LAMB4: variants seen among roughly 807,000 people sequenced by gnomAD.
The protein encoded by LAMB4 is laminin subunit beta 4, also known as laminin subunit beta-4.
Under a neutral mutation model 199.2 loss-of-function variants are expected in LAMB4, and 196 were observed. The observed-to-expected ratio is 0.98, with a 90% confidence interval of 0.88 to 1.11. LAMB4 has a LOEUF of 1.11. Ranked by LOEUF, LAMB4 falls within the 50% of genes least tolerant of loss-of-function variation. The pLI, the probability that LAMB4 is intolerant of heterozygous loss-of-function variation, is 0.00. For missense variants in LAMB4, 2,080 were observed against 2,171.2 expected (o/e 0.96, Z 0.83); for synonymous variants, 744 against 770.6 (o/e 0.97, Z 0.57).
intron 23 of LAMB4, among the ~76,000 whole-genome samples, chr7:108,058,524 A>G (rs563295269): frequency 6.6e-6 from 1 of 152,376 alleles, no homozygotes; most frequent in South Asian, 2.1e-4. Flanking sequence ...TGGAAAATTA[A>G]CAGGAGAAAA....
chr7:108,126,166 A>G (rs1446584561), intron 1 of LAMB4, among the ~76,000 whole-genome samples: 2 of 152,368 alleles, frequency 1.3e-5, no homozygotes, highest in South Asian at 2.1e-4. Context: ...ACTGAGAATC[A>G]CTTGAGAAGA....
Position 108,076,958 on chromosome 7 carries a change from C to T in LAMB4, c.2110G>A (p.Val704Ile). Residue 704 changes from valine (V) to isoleucine (I), a missense_variant, in exon 17 of 34, where the codon GTC becomes ATC. Val to Ile is a conservative substitution (Grantham distance 29, BLOSUM62 3). Coordinates refer to ENST00000388781, the MANE Select transcript of LAMB4 (RefSeq NM_007356.3). The stretch of plus-strand genomic sequence containing the variant: ...GTGATACTTACAGAGTCCACCAGGA[C>T]ATGTGAATGAGCGTGGGACTCTCCT... ...LQGESHAHSH[V>I]LVDSLGLIPQ... is the part of the protein sequence containing the mutation. The T allele has an allele frequency of 2.5e-6, 4 of 1,614,010 alleles. No homozygotes were observed. In the South Asian group the frequency reaches 4.4e-5, roughly 18 times the overall value.
At chr7:108,044,955 C>CAAAAAAA (rs756256335) in intron 28 of LAMB4, among the ~76,000 whole-genome samples, 6 of 56,506 alleles carry the variant, frequency 1.1e-4, no homozygotes, top group African/African-American at 3.1e-4. Flanking sequence ...ATTCTTGTCT[C>CAAAAAAA]AAAAAAAAAA....
chr7:108,066,911 T>C (rs1368407312), intron 19 of LAMB4, among the ~76,000 whole-genome samples: 1 of 151,400 alleles, frequency 6.6e-6, no homozygotes, highest in African/African-American at 2.4e-5. Context: ...AGTATTAATA[T>C]TTTAGTATTA....
Position 108,043,829 on chromosome 7 carries a change from C to G in LAMB4, c.4394G>C (p.Gly1465Ala). The G allele has an allele frequency of 6.2e-7, 1 of 1,607,978 alleles. No homozygotes were observed. Among genetic ancestry groups the G allele is most frequent in the East Asian group, 2.2e-5 (1 of 44,488 alleles). The stretch of plus-strand genomic sequence containing the variant: ...AGAGTCACTTTGGTTTCTTATATTT[C>G]CCAGTTTTTCCCTCAGCTGTAAGGC... ...NNALQLREKL[G>A]NIRNQSDSEE... is the part of the protein sequence containing the mutation. The change falls in exon 29 of 34, where the codon GGA becomes GCA. Residue 1465 changes from glycine (G) to alanine (A), a missense_variant. Gly to Ala is a moderately conservative substitution (Grantham distance 60). Coordinates refer to ENST00000388781, the MANE Select transcript of LAMB4 (RefSeq NM_007356.3).
intron 16 of LAMB4, 50 bp from the exon 17 acceptor site, chr7:108,077,114 T>C (rs779080232): frequency 1.3e-6 from 2 of 1,590,864 alleles, no homozygotes; most frequent in East Asian, 4.5e-5. Context: ...AATACAATTA[T>C]ATTAGCTAAA....
In LAMB4 at chr7:108,077,055, C is replaced by T; in HGVS notation, c.2013G>A (p.Leu671=). The change falls in exon 17 of 34, where the codon CTG becomes CTA. Residue 671 remains leucine (L), a synonymous_variant. Coordinates refer to ENST00000388781, the MANE Select transcript of LAMB4 (RefSeq NM_007356.3). ...FALPAATRIM[L]LPTPICLEPD... ...GTTCTAAACAGATGGGTGTGGGAAG[C>T]AGCATGATTCTGTATTAAGAAAGAT... The T allele has an allele frequency of 6.2e-7, 1 of 1,613,482 alleles. No homozygotes were observed. Among genetic ancestry groups the T allele is most frequent in the Non-Finnish European group, 8.5e-7 (1 of 1,179,710 alleles).
intron 30 of LAMB4, among the ~76,000 whole-genome samples, 193 bp from the exon 31 acceptor site, chr7:108,034,539 C>T (rs926987391): frequency 6.6e-6 from 1 of 152,006 alleles, no homozygotes; most frequent in African/African-American, 2.4e-5. Context: ...ATAAAAAAAA[C>T]CCCACACACG....
At chr7:108,031,374 A>G (rs917895985) in intron 31 of LAMB4, among the ~76,000 whole-genome samples, 11 of 150,218 alleles carry the variant, frequency 7.3e-5, no homozygotes, top group Admixed American at 5.3e-4. Flanking sequence ...GAAAAGAAAA[A>G]AAAAAAAAAG....
At chr7:108,024,983 T>C (rs1301188456) in intron 33 of LAMB4, among the ~76,000 whole-genome samples, 1 of 152,230 alleles carries the variant, frequency 6.6e-6, no homozygotes, top group East Asian at 1.9e-4. Flanking sequence ...GGTAAATGTC[T>C]CACTTCATTT....
At chr7:108,118,358 A>C (rs1377076949) in intron 2 of LAMB4, among the ~76,000 whole-genome samples, 1 of 152,190 alleles carries the variant, frequency 6.6e-6, no homozygotes, top group Non-Finnish European at 1.5e-5. Context: ...GCGAAGGAAT[A>C]GCTCTATTCA....
At chr7:108,085,936 C>A (rs964979221) in intron 14 of LAMB4, among the ~76,000 whole-genome samples, 1 of 152,116 alleles carries the variant, frequency 6.6e-6, no homozygotes, top group African/African-American at 2.4e-5. Context: ...TTGCACTGGG[C>A]CCTGCAGGTG....
At chr7:108,107,090 G>A (rs987615170) in intron 6 of LAMB4, among the ~76,000 whole-genome samples, 9 of 152,180 alleles carry the variant, frequency 5.9e-5, no homozygotes, top group African/African-American at 2.2e-4. Context: ...GGTTGGGATG[G>A]AGTGACAGAC....
intron 8 of LAMB4, among the ~76,000 whole-genome samples, chr7:108,105,221 T>C (rs1334737928): frequency 1.3e-5 from 2 of 152,216 alleles, no homozygotes; most frequent in Non-Finnish European, 2.9e-5. Context: ...ACAACTCTTC[T>C]ACAATGTCTT....
At chr7:108,106,382 C>G in intron 7 of LAMB4, 127 bp downstream of exon 7, 1 of 646,656 alleles carries the variant, frequency 1.5e-6, no homozygotes, top group East Asian at 2.8e-5. Flanking sequence ...CACACCACTG[C>G]ACTCCAGCCT....
chr7:108,127,176 T>G (rs769232138), intron 1 of LAMB4, among the ~76,000 whole-genome samples: 16 of 60,238 alleles, frequency 2.7e-4, no homozygotes, highest in East Asian at 1.1e-3. Flanking sequence ...ATCACCAGGG[T>G]TTTTTTTTTT....
chr7:108,103,035 G>C lies in LAMB4; in HGVS notation c.1180+9C>G. On this transcript the variant is annotated intron_variant, in intron 10 of 33. Coordinates refer to ENST00000388781, the MANE Select transcript of LAMB4 (RefSeq NM_007356.3). ...AGTGGGTAGGATCCAGGCAGACCCGGGGACTCACGAATGCACGCGTAGGGA... is the reference window on the plus strand; with the variant it reads ...AGTGGGTAGGATCCAGGCAGACCCGCGGACTCACGAATGCACGCGTAGGGA... 1 of 1,565,512 alleles carries C rather than the reference G, an allele frequency of 6.4e-7. No individual in the cohort carries two copies. The highest frequency in any genetic ancestry group is 8.7e-7 in the Non-Finnish European group (1 of 1,146,198).
At chr7:108,013,160 T>C in the LAMB4 span, among the ~76,000 whole-genome samples, 1 of 152,226 alleles carries the variant, frequency 6.6e-6, no homozygotes, top group African/African-American at 2.4e-5. Context: ...ATAATTTTCT[T>C]ATGTGCCAAA....
At chr7:108,037,296 G>T in intron 30 of LAMB4, 92 bp downstream of exon 30, 1 of 965,568 alleles carries the variant, frequency 1.0e-6, no homozygotes, top group Non-Finnish European at 1.6e-6. Context: ...AATTTCATTT[G>T]AATGCTATAG....
Sources: allele counts gnomAD v4.1 joint callset (sites outside exome capture counted in the v4.1 genomes callset), GRCh38; gene constraint gnomAD v4.1.1; transcripts MANE v1.5; gene names NCBI Gene and HGNC (gene_info 2026-07-23, HGNC 2026-07-21).